THSD7B: variants seen among roughly 807,000 people sequenced by gnomAD.
The protein encoded by THSD7B is thrombospondin type-1 domain-containing protein 7B.
In THSD7B, 138 loss-of-function variants were observed where a neutral mutation model predicts 213.6. The ratio of observed to expected loss-of-function variants is 0.65; its 90% confidence interval spans 0.56 to 0.74. THSD7B has a LOEUF of 0.74. Among genes scored for constraint, THSD7B ranks in the 30% least tolerant of loss-of-function variants. THSD7B has a pLI of 0.00. For missense variants in THSD7B, 1,931 were observed against 1,991.5 expected (o/e 0.97, Z 0.58); for synonymous variants, 742 against 687.0 (o/e 1.08, Z -1.25).
chr2:137,363,567 T>G (rs933408031), intron 12 of THSD7B, among the ~76,000 whole-genome samples: 1 of 152,018 alleles, frequency 6.6e-6, no homozygotes, highest in African/African-American at 2.4e-5. Flanking sequence ...TCACCACCGA[T>G]CCCACAGAAA....
At chr2:137,343,074 T>C (rs1348002879) in intron 12 of THSD7B, among the ~76,000 whole-genome samples, 1 of 151,680 alleles carries the variant, frequency 6.6e-6, no homozygotes, top group Non-Finnish European at 1.5e-5. Flanking sequence ...CCCTTCTGTT[T>C]TTTTTTTTTG....
intron 7 of THSD7B, among the ~76,000 whole-genome samples, chr2:137,175,439 G>T (rs1037285848): frequency 6.6e-6 from 1 of 152,164 alleles, no homozygotes; most frequent in Non-Finnish European, 1.5e-5. Context: ...CTGCAGTGTT[G>T]CCAAAAACAC....
intron 20 of THSD7B, among the ~76,000 whole-genome samples, chr2:137,639,364 A>G (rs1682894868): frequency 6.6e-6 from 1 of 152,188 alleles, no homozygotes; most frequent in South Asian, 2.1e-4. Flanking sequence ...CTCTGCCTGT[A>G]TTTCAGAAGA....
At chr2:137,074,991 C>T (rs76552531) in intron 3 of THSD7B, among the ~76,000 whole-genome samples, 12 of 152,118 alleles carry the variant, frequency 7.9e-5, no homozygotes, top group African/African-American at 1.9e-4. Context: ...GTGAGTAACC[C>T]GACCTTTCTC....
At chr2:137,613,446 C>T (rs940494724) in intron 17 of THSD7B, among the ~76,000 whole-genome samples, 10 of 152,052 alleles carry the variant, frequency 6.6e-5, no homozygotes, top group Non-Finnish European at 1.2e-4. Flanking sequence ...TAACAAAATA[C>T]GTGAAGGCAT....
Position 137,399,951 on chromosome 2 carries a change from C to G in THSD7B, c.2501-5662C>G, listed in dbSNP as rs566347231. 4.1e-4 allele frequency among the ~76,000 whole-genome samples: 62 copies of G among 152,122 alleles called. 1 individual carries two copies. The highest frequency in any genetic ancestry group is 1.5e-3 in the South Asian group (7 of 4,822). The stretch of plus-strand genomic sequence containing the variant: ...ATTTCAAATGATGTGTGTTCAGGTC[C>G]TGAGATCTTTTACTGGGTCTAATCT... On this transcript the variant is annotated intron_variant, in intron 12 of 27. Transcript: ENST00000409968.
At chr2:136,878,381 T>A (rs1309285472) in intron 1 of THSD7B, among the ~76,000 whole-genome samples, 8 of 152,192 alleles carry the variant, frequency 5.3e-5, no homozygotes, top group Non-Finnish European at 8.8e-5. Context: ...TAAACATACG[T>A]GTGCGTGTGT....
intron 15 of THSD7B, among the ~76,000 whole-genome samples, chr2:137,451,820 A>G (rs1481500915): frequency 6.6e-6 from 1 of 152,102 alleles, no homozygotes; most frequent in Non-Finnish European, 1.5e-5. Context: ...ATTTTGATTA[A>G]AAGTTTTTTT....
intron 2 of THSD7B, among the ~76,000 whole-genome samples, chr2:136,884,446 G>T (rs1173756494): frequency 6.6e-6 from 1 of 152,078 alleles, no homozygotes; most frequent in African/African-American, 2.4e-5. Flanking sequence ...GGAATGAAGG[G>T]CTCCACCTCA....
chr2:137,129,296 T>C (rs1363892437), intron 5 of THSD7B, among the ~76,000 whole-genome samples: 1 of 152,160 alleles, frequency 6.6e-6, no homozygotes, highest in East Asian at 1.9e-4. Context: ...TTTTTCTCAT[T>C]AGTAGAGGGG....
chr2:137,582,506 C>T (rs1251692940), intron 17 of THSD7B, among the ~76,000 whole-genome samples: 1 of 124,798 alleles, frequency 8.0e-6, no homozygotes, highest in African/African-American at 3.1e-5. Context: ...CACCCCAAGA[C>T]AGGCCCTGGT....
At chr2:137,485,541 C>T (rs1023833111) in intron 15 of THSD7B, among the ~76,000 whole-genome samples, 40 of 152,132 alleles carry the variant, frequency 2.6e-4, no homozygotes, top group Non-Finnish European at 3.4e-4. Context: ...CTGAAAGTGA[C>T]GGGGAGAATG....
At chr2:137,219,340 C>T (rs144955587) in intron 7 of THSD7B, among the ~76,000 whole-genome samples, 2,377 of 152,148 alleles carry the variant, frequency 0.016, 21 homozygotes, top group Middle Eastern at 0.034. Flanking sequence ...GATTTGTTTT[C>T]CCAAGTACAA....
At chr2:137,134,446 C>A (rs1688795287) in intron 5 of THSD7B, among the ~76,000 whole-genome samples, 1 of 152,126 alleles carries the variant, frequency 6.6e-6, no homozygotes, top group South Asian at 2.1e-4. Flanking sequence ...GTACTCTGTG[C>A]ACAAGCTTAC....
intron 12 of THSD7B, among the ~76,000 whole-genome samples, chr2:137,289,714 A>G (rs1052981705): frequency 6.6e-6 from 1 of 152,090 alleles, no homozygotes; most frequent in Non-Finnish European, 1.5e-5. Flanking sequence ...ATATTTGCCA[A>G]AGAAAACCAA....
At chr2:137,247,707 G>C (rs1682071622) in intron 10 of THSD7B, among the ~76,000 whole-genome samples, 1 of 152,022 alleles carries the variant, frequency 6.6e-6, no homozygotes, top group Admixed American at 6.6e-5. Context: ...AACCTCATTT[G>C]GTGGAATTCA....
rs138700729 is a variant in THSD7B at position 137,058,445 on chromosome 2, T to A, written c.950+1215T>A. Among the ~76,000 whole-genome samples the A allele has an allele frequency of 2.6e-3, 395 of 152,274 alleles. 4 individuals are homozygous for A. Among genetic ancestry groups the A allele is most frequent in the African/African-American group, 8.6e-3 (358 of 41,564 alleles). On this transcript the variant is annotated intron_variant, in intron 3 of 27. Coordinates refer to ENST00000409968, the MANE Select transcript of THSD7B (RefSeq NM_001316349.2). The stretch of plus-strand genomic sequence containing the variant: ...ATTTTGTTTGTGCATTTTTGCAGTG[T>A]TTTTCTTTTTTTAATAGACTTGATT...
At chr2:136,917,261 T>C (rs1308911615) in intron 2 of THSD7B, among the ~76,000 whole-genome samples, 2 of 152,216 alleles carry the variant, frequency 1.3e-5, no homozygotes, top group African/African-American at 4.8e-5. Flanking sequence ...TCTCACTTTG[T>C]TCCTAGTCCC....
intron 1 of THSD7B, among the ~76,000 whole-genome samples, chr2:136,781,496 T>C (rs918262582): frequency 2.6e-5 from 4 of 151,874 alleles, no homozygotes; most frequent in African/African-American, 9.7e-5. Flanking sequence ...GGTCTTGAAC[T>C]CCTGACCTCA....
Sources: gnomAD v4.1 joint callset for allele counts (sites outside exome capture counted in the v4.1 genomes callset) on GRCh38, gnomAD v4.1.1 for gene constraint, MANE v1.5 for transcripts, NCBI Gene and HGNC (gene_info 2026-07-23, HGNC 2026-07-21) for gene names.